MCC: variants seen among roughly 807,000 people sequenced by gnomAD.
MCC encodes the protein colorectal mutant cancer protein.
A neutral mutation model predicts 116.2 loss-of-function variants in MCC; 90 were observed. The ratio of observed to expected loss-of-function variants is 0.77; its 90% CI spans 0.65 to 0.92. The LOEUF (loss-of-function observed/expected upper bound fraction) is 0.92, where lower values mean the gene tolerates loss of function less well. MCC is among the 40% of genes least tolerant of loss of function. The pLI is 0.00. For missense variants in MCC, 1,516 were observed against 1,312.2 expected, an observed-to-expected ratio of 1.16 and a Z score of -2.40; for synonymous variants, 578 against 510.5, an observed-to-expected ratio of 1.13 and a Z score of -1.78.
At chr5:113,411,569 TTC>T (rs1554081964) in intron 1 of MCC, among the ~76,000 whole-genome samples, 1 of 152,056 alleles carries the variant, frequency 6.6e-6, no homozygotes, top group Non-Finnish European at 1.5e-5. Context: ...GATTTTTTTT[TTC>T]AGGAGTAATT....
chr5:113,212,695 G>T (rs1763176255), intron 3 of MCC, among the ~76,000 whole-genome samples: 1 of 152,102 alleles, frequency 6.6e-6, no homozygotes, highest in South Asian at 2.1e-4. Flanking sequence ...AAATGAGAAG[G>T]TGCTCTTCCT....
chr5:113,239,577 GCT>G (rs1764284083), intron 3 of MCC, among the ~76,000 whole-genome samples: 1 of 152,132 alleles, frequency 6.6e-6, no homozygotes, highest in Admixed American at 6.6e-5. Context: ...GAGGATGTGG[GCT>G]CAGCCATAAC....
At chr5:113,054,018 A>T in intron 14 of MCC, 59 bp from the exon 15 acceptor site, 1 of 1,214,792 alleles carries the variant, frequency 8.2e-7, no homozygotes, top group Non-Finnish European at 1.2e-6. Flanking sequence ...CATGGCAAAT[A>T]GATCTTTCCT....
At chr5:113,342,291 G>T (rs1446590402) in intron 2 of MCC, among the ~76,000 whole-genome samples, 3 of 152,168 alleles carry the variant, frequency 2.0e-5, no homozygotes, top group African/African-American at 7.2e-5. Flanking sequence ...AATTGTGCTG[G>T]TATAAACATG....
At chr5:113,385,472 C>T (rs1390691006) in intron 1 of MCC, among the ~76,000 whole-genome samples, 1 of 152,046 alleles carries the variant, frequency 6.6e-6, no homozygotes, top group African/African-American at 2.4e-5. Flanking sequence ...GTTTCCACAC[C>T]CTTCTCTCCC....
chr5:113,039,714 C>CG (rs1432328377), intron 17 of MCC, among the ~76,000 whole-genome samples: 137 of 146,004 alleles, frequency 9.4e-4, no homozygotes, highest in African/African-American at 3.2e-3. Flanking sequence ...ACTCCGCGCC[C>CG]CCCCCCCCAA....
At chr5:113,092,882 G>A (rs779340307) in intron 8 of MCC, among the ~76,000 whole-genome samples, 5 of 152,178 alleles carry the variant, frequency 3.3e-5, no homozygotes, top group African/African-American at 7.2e-5. Context: ...CCACCAGGCC[G>A]GAGGAGACAT....
chr5:113,355,092 C>T (rs1379444862), intron 2 of MCC, among the ~76,000 whole-genome samples: 3 of 151,952 alleles, frequency 2.0e-5, no homozygotes, highest in Non-Finnish European at 4.4e-5. Flanking sequence ...GAAAAAAATC[C>T]TAATTCGCAT....
At chr5:113,429,578 A>G (rs1307699213) in intron 1 of MCC, among the ~76,000 whole-genome samples, 1 of 151,786 alleles carries the variant, frequency 6.6e-6, no homozygotes, top group Non-Finnish European at 1.5e-5. Context: ...GCTCTGCATC[A>G]CTCCTTTTTC....
chr5:113,253,034 A>G (rs1581321532), intron 3 of MCC, among the ~76,000 whole-genome samples: 3 of 152,168 alleles, frequency 2.0e-5, no homozygotes, highest in Admixed American at 2.0e-4. Context: ...TCAAAAATGT[A>G]ATTTTAAAAT....
At chr5:113,203,664 C>T (rs189976996) in intron 3 of MCC, among the ~76,000 whole-genome samples, 13 of 152,230 alleles carry the variant, frequency 8.5e-5, no homozygotes, top group South Asian at 4.1e-4. Context: ...CTCAACCAGG[C>T]GCCGTGCAAG....
chr5:113,302,035 G>A (rs1405100011), intron 3 of MCC, among the ~76,000 whole-genome samples: 1 of 152,172 alleles, frequency 6.6e-6, no homozygotes, highest in Non-Finnish European at 1.5e-5. Context: ...ACCAAGGACA[G>A]TTCCTCCCTC....
chr5:113,147,353 A>C (rs527949004), intron 4 of MCC, among the ~76,000 whole-genome samples: 1 of 151,596 alleles, frequency 6.6e-6, no homozygotes, highest in South Asian at 2.1e-4. Flanking sequence ...TGTTGGAAAA[A>C]CCCTGTGCAA....
At chr5:113,447,650 G>T (rs466564) in intron 1 of MCC, among the ~76,000 whole-genome samples, 58,093 of 152,006 alleles carry the variant, frequency 0.38, 13,889 homozygotes, top group East Asian at 0.69. Flanking sequence ...TTTTTAAAAA[G>T]ATTTATCTTT....
chr5:113,145,611 C>A (rs746457328), intron 4 of MCC, among the ~76,000 whole-genome samples: 2 of 152,174 alleles, frequency 1.3e-5, no homozygotes, highest in African/African-American at 2.4e-5. Context: ...CACCAAAAGA[C>A]CACCCTTCAG....
intron 11 of MCC, among the ~76,000 whole-genome samples, chr5:113,079,856 C>G (rs1010373744): frequency 3.3e-5 from 5 of 152,232 alleles, no homozygotes. Context: ...AAACTGCCAT[C>G]AGAGTGAACA....
chr5:113,273,836 G>A (rs1247736146), intron 3 of MCC, among the ~76,000 whole-genome samples: 1 of 152,010 alleles, frequency 6.6e-6, no homozygotes, highest in Non-Finnish European at 1.5e-5. Flanking sequence ...AAAACAGTGA[G>A]CAATATCAAG....
intron 1 of MCC, among the ~76,000 whole-genome samples, chr5:113,430,326 G>A (rs1023312164): frequency 1.3e-5 from 2 of 152,168 alleles, no homozygotes; most frequent in Non-Finnish European, 2.9e-5. Context: ...TCCTAGTAGG[G>A]CAGAGCACTA....
intron 3 of MCC, among the ~76,000 whole-genome samples, chr5:113,237,314 C>T (rs777977862): frequency 2.0e-4 from 30 of 152,254 alleles, no homozygotes; most frequent in Non-Finnish European, 2.2e-4. Flanking sequence ...ATGCTTAAAG[C>T]TAATACCACA....
Sources: gnomAD v4.1 joint callset for allele counts (sites outside exome capture counted in the v4.1 genomes callset) on GRCh38, gnomAD v4.1.1 for gene constraint, MANE v1.5 for transcripts, NCBI Gene and HGNC (gene_info 2026-07-23, HGNC 2026-07-21) for gene names.